The following PCSK5 variants were observed in gnomAD, a reference collection of about 807,000 sequenced individuals.
PCSK5 encodes the protein prohormone convertase 5.
Under a neutral mutation model 233.2 loss-of-function variants are expected in PCSK5, and 129 were observed. That is an observed-to-expected ratio of 0.55 (90% CI 0.48 to 0.64). The LOEUF is 0.64. Ranked by LOEUF, PCSK5 falls within the 30% of genes least tolerant of loss-of-function variation. The pLI is 0.00. For synonymous variants in PCSK5, 825 were observed against 879.2 expected, an observed-to-expected ratio of 0.94 and a Z score of 1.09; for missense variants, 2,076 against 2,430.1, an observed-to-expected ratio of 0.85 and a Z score of 3.06.
intron 20 of PCSK5, among the ~76,000 whole-genome samples, chr9:76,211,169 G>C (rs1033750320): frequency 2.6e-5 from 4 of 152,216 alleles, no homozygotes; most frequent in African/African-American, 7.2e-5. Context: ...AGAGATTTAA[G>C]GGCAGAGAAG....
At chr9:76,001,241 A>G (rs1827247562) in intron 3 of PCSK5, among the ~76,000 whole-genome samples, 1 of 152,076 alleles carries the variant, frequency 6.6e-6, no homozygotes, top group Non-Finnish European at 1.5e-5. Flanking sequence ...ATAGCTGCCA[A>G]TAATTTAAAT....
intron 5 of PCSK5, among the ~76,000 whole-genome samples, chr9:76,064,552 G>C (rs1830200511): frequency 5.3e-5 from 8 of 150,352 alleles, no homozygotes; most frequent in Admixed American, 4.6e-4. Context: ...CTGCCGGGCG[G>C]AGACGCTCCT....
intron 10 of PCSK5, among the ~76,000 whole-genome samples, chr9:76,149,570 C>G (rs1204058266): frequency 6.6e-6 from 1 of 152,144 alleles, no homozygotes; most frequent in Non-Finnish European, 1.5e-5. Flanking sequence ...ATTGTTTGCT[C>G]AAGTTTTACA....
chr9:76,189,901 C>T (rs1824283753), intron 20 of PCSK5, among the ~76,000 whole-genome samples, 155 bp downstream of exon 20: 1 of 152,170 alleles, frequency 6.6e-6, no homozygotes. Context: ...GAACTTATGC[C>T]CTTAATGGAT....
At chr9:76,308,775 T>C (rs535067588) in intron 29 of PCSK5, 47 bp downstream of exon 29, 77 of 1,199,988 alleles carry the variant, frequency 6.4e-5, no homozygotes, top group Middle Eastern at 1.9e-4. Context: ...AGCCAAGTCA[T>C]TGAAACTCAT....
chr9:75,948,407 G>A (rs781510025), intron 2 of PCSK5, among the ~76,000 whole-genome samples: 32 of 149,334 alleles, frequency 2.1e-4, no homozygotes, highest in Non-Finnish European at 3.8e-4. Context: ...GAGAATGTGC[G>A]GTTTGGTTTT....
At chr9:76,338,128 G>A (rs1487943528) in intron 34 of PCSK5, 102 bp from the exon 35 acceptor site, 1 of 757,868 alleles carries the variant, frequency 1.3e-6, no homozygotes, top group African/African-American at 1.7e-5. Context: ...AGAGGCTAAA[G>A]TCACTCAGCT....
At chr9:76,046,317 A>G (rs1829390183) in intron 5 of PCSK5, among the ~76,000 whole-genome samples, 1 of 149,786 alleles carries the variant, frequency 6.7e-6, no homozygotes, top group Non-Finnish European at 1.5e-5. Context: ...AGCTGGGATT[A>G]CAGGCGCGCG....
intron 35 of PCSK5, among the ~76,000 whole-genome samples, chr9:76,349,845 A>G (rs1487023328): frequency 1.3e-5 from 2 of 152,250 alleles, no homozygotes; most frequent in Non-Finnish European, 2.9e-5. Context: ...ATACCTGCAT[A>G]GAATAAATGT....
chr9:75,902,247 AAG>A (rs1826075786), intron 1 of PCSK5, among the ~76,000 whole-genome samples: 1 of 148,324 alleles, frequency 6.7e-6, no homozygotes, highest in African/African-American at 2.6e-5. Context: ...AAAAAAAGAA[AAG>A]GACAAAACAA....
intron 23 of PCSK5, among the ~76,000 whole-genome samples, chr9:76,239,695 C>CAAAAAAAAAAAAA (rs61703191): frequency 9.0e-6 from 1 of 111,152 alleles, no homozygotes; most frequent in Non-Finnish European, 1.8e-5. Flanking sequence ...GACTCCATCT[C>CAAAAAAAAAAAAA]AAAAAAAAAA....
At chr9:76,183,222 T>A (rs1312185869) in intron 16 of PCSK5, among the ~76,000 whole-genome samples, 4 of 152,210 alleles carry the variant, frequency 2.6e-5, no homozygotes, top group Non-Finnish European at 4.4e-5. Context: ...GAGAGTCCGT[T>A]GTTTCCAGAG....
chr9:76,325,259 GT>G (rs1829327159), intron 32 of PCSK5, among the ~76,000 whole-genome samples: 1 of 152,134 alleles, frequency 6.6e-6, no homozygotes, highest in Non-Finnish European at 1.5e-5. Flanking sequence ...AGGAACTGAG[GT>G]TCAACTTCTG....
Position 76,023,735 on chromosome 9 carries a change from C to T in PCSK5, c.412-3C>T. The T allele has an allele frequency of 6.2e-7, 1 of 1,600,630 alleles. No homozygotes were observed. Among genetic ancestry groups the T allele is most frequent in the Non-Finnish European group, 8.5e-7 (1 of 1,174,626 alleles). ...ATCTTGCAGCATGCTCTTCTTCTTTCAGCACTGCAGTGACAATACACATCC... is the reference window on the plus strand; with the variant it reads ...ATCTTGCAGCATGCTCTTCTTCTTTTAGCACTGCAGTGACAATACACATCC... On this transcript the variant is annotated splice_polypyrimidine_tract_variant and splice_region_variant and intron_variant, in intron 3 of 37. Coordinates refer to ENST00000674117, the MANE Select transcript of PCSK5 (RefSeq NM_001372043.1).
chr9:76,296,752 CCT>C lies in PCSK5; in HGVS notation c.3411_3412del (p.Cys1138HisfsTer6), dbSNP rs1200489044. 2 of 1,611,956 alleles carry C rather than the reference CCT, an allele frequency of 1.2e-6. No individual in the cohort carries two copies. Among genetic ancestry groups the C allele is most frequent in the South Asian group, 2.2e-5 (2 of 91,056 alleles). ...GAGTCCTGCCACCGAGCATGCGAAA[CCT>C]GCACAGGCCCTGGTCATGACGAGTG... On this transcript the variant is annotated frameshift_variant, in exon 27 of 38. Coordinates refer to ENST00000674117, the MANE Select transcript of PCSK5 (RefSeq NM_001372043.1). LOFTEE classifies it high-confidence loss of function.
In PCSK5 at chr9:76,026,673, T is replaced by C. The variant is rs542438916; in HGVS notation, c.556-288T>C. On this transcript the variant is annotated intron_variant, in intron 4 of 37. Transcript: ENST00000674117. Reference sequence around the variant, plus strand: ...AAAGATATACGTTTCATGAATTGGGTCATTCTAGGTATGAGGGGAAAAAGT... The same window carrying C: ...AAAGATATACGTTTCATGAATTGGGCCATTCTAGGTATGAGGGGAAAAAGT... Among the ~76,000 whole-genome samples, 10 of 152,122 alleles carry C rather than the reference T, an allele frequency of 6.6e-5. No individual in the cohort carries two copies. In the South Asian group the frequency reaches 1.0e-3, roughly 16 times the overall value.
chr9:76,280,570 C>T (rs750708164), intron 24 of PCSK5, among the ~76,000 whole-genome samples: 10 of 151,926 alleles, frequency 6.6e-5, no homozygotes, highest in Non-Finnish European at 8.8e-5. Context: ...GGGGAAAACC[C>T]GTCTCTACTA....
intron 2 of PCSK5, among the ~76,000 whole-genome samples, chr9:75,958,567 G>T (rs1447844981): frequency 6.6e-6 from 1 of 152,138 alleles, no homozygotes; most frequent in Non-Finnish European, 1.5e-5. Flanking sequence ...TGAGGATCCA[G>T]GCCATTACCT....
chr9:76,032,822 C>A (rs571112131), intron 5 of PCSK5, among the ~76,000 whole-genome samples: 1 of 152,288 alleles, frequency 6.6e-6, no homozygotes, highest in South Asian at 2.1e-4. Flanking sequence ...TAGGTTACTT[C>A]CTTTTAGAAG....
Sources: allele counts gnomAD v4.1 joint callset (sites outside exome capture counted in the v4.1 genomes callset), GRCh38; gene constraint gnomAD v4.1.1; transcripts MANE v1.5; gene names NCBI Gene and HGNC (gene_info 2026-07-23, HGNC 2026-07-21).